Variants in COL6A3 observed in about 807,000 individuals in gnomAD.
COL6A3 encodes collagen alpha-3(VI) chain.
A neutral mutation model predicts 274.1 loss-of-function variants in COL6A3; 137 were observed. The observed-to-expected ratio is 0.50, with a 90% confidence interval of 0.44 to 0.58. The LOEUF is 0.58. COL6A3 is among the 20% of genes least tolerant of loss of function. The pLI is 0.00. For synonymous variants in COL6A3, 1,650 were observed against 1,650.6 expected (o/e 1.00, Z 0.01); for missense variants, 3,950 against 4,124.9 (o/e 0.96, Z 1.16).
chr2:237,337,970 T>C (rs1382261908), intron 39 of COL6A3, among the ~76,000 whole-genome samples: 1 of 152,110 alleles, frequency 6.6e-6, no homozygotes, highest in Non-Finnish European at 1.5e-5. Flanking sequence ...TAAGAAGACA[T>C]GGAGTCTATT....
chr2:237,372,517 G>A (rs1009221817), intron 8 of COL6A3, among the ~76,000 whole-genome samples, 180 bp from the exon 9 acceptor site: 1 of 152,170 alleles, frequency 6.6e-6, no homozygotes, highest in African/African-American at 2.4e-5. Flanking sequence ...AAAGAGAAGG[G>A]GAGCAAAGGA....
At position 237,361,588 on chromosome 2, in the gene COL6A3, G is replaced by T; in HGVS notation, c.6156+151C>A. 1.3e-6 allele frequency: 1 copy of T among 798,298 alleles called. No homozygotes were observed. The highest frequency in any genetic ancestry group is 2.2e-6 in the Non-Finnish European group (1 of 459,422). The allele number at this position is 798,298 out of a possible 1,614,324, so 49.5% of individuals were successfully genotyped here. A position where few individuals can be genotyped will look rare whatever the true frequency, so the allele number is the denominator to read the frequency against. On this transcript the variant is annotated intron_variant, in intron 15 of 43. Transcript: ENST00000295550. The surrounding 1 kb of genome is among the most constrained non-coding windows in gnomAD (Gnocchi z 5.1). ...CCCCAGCAGAACAGCACGCAGGTCTGCCCCTCAGAGCTCCTCCTTCTAACA... is the reference window on the plus strand; with the variant it reads ...CCCCAGCAGAACAGCACGCAGGTCTTCCCCTCAGAGCTCCTCCTTCTAACA...
In COL6A3 at chr2:237,379,046, T is replaced by G. The variant is rs367690192; in HGVS notation, c.2087A>C (p.Tyr696Ser). 1 of 1,614,110 alleles carries G rather than the reference T, an allele frequency of 6.2e-7. No homozygotes were observed. Among genetic ancestry groups the G allele is most frequent in the Non-Finnish European group, 8.5e-7 (1 of 1,180,050 alleles). ...ACCAAGGATATCTGACTTGGTCTGG[T>G]ATGTGTTTAAAGAGAACTCCGTTAC... ...TPVTEFSLNT[Y>S]QTKSDILGHL... is the part of the protein sequence containing the mutation. Residue 696 changes from tyrosine (Y) to serine (S), a missense_variant, in exon 6 of 44, where the codon TAC becomes TCC. Physicochemically the swap from Tyr to Ser is moderately radical, Grantham distance 144. Around this residue, in one of 5 missense-constraint regions of COL6A3, gnomAD observed 1,934 missense variants for 1,984.3 expected, o/e 0.97. Transcript: ENST00000295550.
In COL6A3 at chr2:237,371,725, A is replaced by G. The variant is rs781660921; in HGVS notation, c.4285+7T>C. ...TCCAAGGAGAACCTCCGACGCCCCC[A>G]TCTCACCTGGAGGTGGATAGCGAGT... is the stretch of plus-strand genomic sequence containing the variant. On this transcript the variant is annotated splice_region_variant and intron_variant, in intron 9 of 43. Coordinates refer to ENST00000295550, the MANE Select transcript of COL6A3 (RefSeq NM_004369.4). This position sits in a 1 kb window ranked among gnomAD's most constrained non-coding sequence, Gnocchi z 4.3. 7 of 1,584,242 alleles carry G rather than the reference A, an allele frequency of 4.4e-6. No homozygotes were observed. Among genetic ancestry groups the G allele is most frequent in the Non-Finnish European group, 5.2e-6 (6 of 1,162,344 alleles).
In COL6A3 at chr2:237,374,287, T is replaced by C. The variant is rs1160045473; in HGVS notation, c.3679+125A>G. 112 of 1,415,626 alleles carry C rather than the reference T, an allele frequency of 7.9e-5. 1 individual carries two copies. In the South Asian group the frequency reaches 1.0e-3, roughly 13 times the overall value. The allele number at this position is 1,415,626 out of a possible 1,614,324, so 87.7% of individuals were successfully genotyped here. ...GGGCATGTGGGTTCCTAAATTTTCCTGTAATTTTAGTTTTCACTTCACATG... is the reference window on the plus strand; with the variant it reads ...GGGCATGTGGGTTCCTAAATTTTCCCGTAATTTTAGTTTTCACTTCACATG... On this transcript the variant is annotated intron_variant, in intron 8 of 43. Coordinates refer to ENST00000295550, the MANE Select transcript of COL6A3 (RefSeq NM_004369.4). This position sits in a 1 kb window ranked among gnomAD's most constrained non-coding sequence, Gnocchi z 4.8.
At position 237,345,047 on chromosome 2, in the gene COL6A3, C is replaced by T. The variant is rs540897134; in HGVS notation, c.7162+11G>A. The stretch of plus-strand genomic sequence containing the variant: ...TATGCATTGTGAGACAACAGAAAAT[C>T]ATGTACTTACGGCATTTATCTTTGA... On this transcript the variant is annotated intron_variant, in intron 34 of 43. Coordinates refer to ENST00000295550, the MANE Select transcript of COL6A3 (RefSeq NM_004369.4). 5.1e-5 allele frequency: 82 copies of T among 1,614,148 alleles called. No individual in the cohort carries two copies. The South Asian group carries it at 8.3e-4, about 16-fold the overall frequency.
rs778474394 is a variant in COL6A3 at position 237,344,650 on chromosome 2, C to T, written c.7368G>A (p.Thr2456=). 2.6e-5 allele frequency: 42 copies of T among 1,613,718 alleles called. No homozygotes were observed. Among genetic ancestry groups the T allele is most frequent in the African/African-American group, 5.3e-5 (4 of 74,912 alleles). The change falls in exon 36 of 44, where the codon ACG becomes ACA. Residue 2456 remains threonine, a synonymous_variant. Transcript: ENST00000295550. The surrounding 1 kb of genome is among the most constrained non-coding windows in gnomAD (Gnocchi z 4.8). ...AVVTYNNEVT[T]EIRFADSKRK... is the part of the protein sequence containing the mutation. Reference sequence around the variant, plus strand: ...TCTTGGAGTCAGCAAACCGGATCTCCGTGGTCACCTCGTTGTTGTAGGTGA... The same window carrying T: ...TCTTGGAGTCAGCAAACCGGATCTCTGTGGTCACCTCGTTGTTGTAGGTGA...
intron 3 of COL6A3, among the ~76,000 whole-genome samples, chr2:237,389,098 G>A (rs2078225316): frequency 1.3e-5 from 2 of 152,072 alleles, no homozygotes; most frequent in Admixed American, 1.3e-4. Context: ...ATTAGCCTGG[G>A]GTTATACAAA....
intron 38 of COL6A3, among the ~76,000 whole-genome samples, chr2:237,339,420 A>T (rs2076937488): frequency 6.6e-6 from 1 of 152,238 alleles, no homozygotes; most frequent in Non-Finnish European, 1.5e-5. Flanking sequence ...TGGAGAGTTC[A>T]ACAAGTTCTA....
At chr2:237,397,445 AAGAG>A (rs1219955028) in intron 1 of COL6A3, among the ~76,000 whole-genome samples, 1 of 141,872 alleles carries the variant, frequency 7.0e-6, no homozygotes, top group Admixed American at 6.9e-5. Context: ...GAAAGAAAGA[AAGAG>A]AGAAAGAAAG....
chr2:237,361,924 G>T lies in COL6A3; in HGVS notation c.6064-93C>A. On this transcript the variant is annotated intron_variant, in intron 14 of 43. Coordinates refer to ENST00000295550, the MANE Select transcript of COL6A3 (RefSeq NM_004369.4). This position sits in a 1 kb window ranked among gnomAD's most constrained non-coding sequence, Gnocchi z 5.1. ...CTTTAAGGGTCAAAATCGGATGTGT[G>T]GGGGTTTCACGGTGTGAGATGAAGT... The T allele has an allele frequency of 8.9e-7, 1 of 1,119,692 alleles. No homozygotes were observed. Among genetic ancestry groups the T allele is most frequent in the Non-Finnish European group, 1.4e-6 (1 of 735,980 alleles). 69.4% of individuals were successfully genotyped at this position (1,119,692 alleles called of 1,614,324 possible).
intron 3 of COL6A3, among the ~76,000 whole-genome samples, chr2:237,391,375 G>C (rs1171357492): frequency 6.6e-5 from 10 of 152,194 alleles, no homozygotes; most frequent in Non-Finnish European, 1.5e-5. Flanking sequence ...GTTTCATTTA[G>C]CATTCACTAT....
At chr2:237,410,551 C>A (rs2078833219) in intron 1 of COL6A3, among the ~76,000 whole-genome samples, 1 of 152,130 alleles carries the variant, frequency 6.6e-6, no homozygotes, top group Non-Finnish European at 1.5e-5. Flanking sequence ...GCGATCCGCC[C>A]ACCTCAGCCT....
In COL6A3 at chr2:237,324,884, C is replaced by G. The variant is rs1362232239; in HGVS notation, c.9494-70G>C. 7.8e-6 allele frequency: 12 copies of G among 1,530,338 alleles called. No homozygotes were observed. In the South Asian group the frequency reaches 1.3e-4, roughly 17 times the overall value. The allele number at this position is 1,530,338 out of a possible 1,614,324, so 94.8% of individuals were successfully genotyped here. On this transcript the variant is annotated intron_variant, in intron 43 of 43. Coordinates refer to ENST00000295550, the MANE Select transcript of COL6A3 (RefSeq NM_004369.4). ...AGAGAAGAGAGGAAAAGCCACATTA[C>G]TGACCCAAAAGGGCACTGTCATTAT...
At position 237,340,582 on chromosome 2, in the gene COL6A3, C is replaced by T. The variant is rs1259771523; in HGVS notation, c.8334G>A (p.Val2778=). The T allele has an allele frequency of 3.1e-6, 5 of 1,614,216 alleles. No homozygotes were observed. Among genetic ancestry groups the T allele is most frequent in the East Asian group, 4.5e-5 (2 of 44,880 alleles). ...FFVVLGIGRK[V]NIKEVYTFAS... is the part of the protein sequence containing the mutation. ...CGAAGGTGTATACCTCCTTGATGTT[C>T]ACCTTCCTGCCAATGCCCAGGACCA... Residue 2778 remains valine (V), a synonymous_variant, in exon 38 of 44, where the codon GTG becomes GTA. Transcript: ENST00000295550.
chr2:237,345,010 C>T lies in COL6A3; in HGVS notation c.7162+48G>A, dbSNP rs112563876. On this transcript the variant is annotated intron_variant, in intron 34 of 43. Transcript: ENST00000295550. ...AGACTACTCTACCATGTGAGAATTT[C>T]GAATGTAAAAATATGCATTGTGAGA... is the stretch of plus-strand genomic sequence containing the variant. The T allele has an allele frequency of 5.9e-4, 956 of 1,614,006 alleles. 1 individual carries two copies. The African/African-American group carries it at 0.01, about 17-fold the overall frequency.
chr2:237,340,932 C>T lies in COL6A3; in HGVS notation c.7984G>A (p.Ala2662Thr), dbSNP rs749100905. 34 of 1,613,212 alleles carry T rather than the reference C, an allele frequency of 2.1e-5. No homozygotes were observed. Among genetic ancestry groups the T allele is most frequent in the Admixed American group, 1.7e-4 (10 of 59,998 alleles). The change falls in exon 38 of 44, where the codon GCC becomes ACC. Residue 2662 changes from alanine to threonine, a missense_variant. Physicochemically the swap from Ala to Thr is moderately conservative, Grantham distance 58. Coordinates refer to ENST00000295550, the MANE Select transcript of COL6A3 (RefSeq NM_004369.4). ...SPDPKASQHF[A>T]RVAVVQHAPS... ...GCGTGCTGCACAACTGCCACTCTGG[C>T]GAAGTGCTGGGAGGCCTTGGGATCT...
intron 17 of COL6A3, among the ~76,000 whole-genome samples, 165 bp from the exon 18 acceptor site, chr2:237,359,553 C>T (rs539666648): frequency 6.6e-6 from 1 of 152,366 alleles, no homozygotes; most frequent in African/African-American, 2.4e-5. Context: ...CTCACCACCA[C>T]GTGCGATGTT....
Position 237,344,818 on chromosome 2 carries a change from T to G in COL6A3, c.7200A>C (p.Pro2400=). The G allele has an allele frequency of 6.2e-7, 1 of 1,612,540 alleles. No individual in the cohort carries two copies. Among genetic ancestry groups the G allele is most frequent in the Non-Finnish European group, 8.5e-7 (1 of 1,179,852 alleles). The change falls in exon 36 of 44, where the codon CCA becomes CCC. Residue 2400 remains proline, a synonymous_variant. Coordinates refer to ENST00000295550, the MANE Select transcript of COL6A3 (RefSeq NM_004369.4). The surrounding 1 kb of genome is among the most constrained non-coding windows in gnomAD (Gnocchi z 4.8). ...CYGPLECPVF[P]TELAFALDTS... ...TGTCTAAAGCAAAGGCTAGTTCTGT[T>G]GGGAAGACGGGGCACTCCAGGGGCC...
Sources: allele counts gnomAD v4.1 joint callset (sites outside exome capture counted in the v4.1 genomes callset), GRCh38; gene constraint gnomAD v4.1.1; regional missense constraint gnomAD v4.1.1; non-coding constraint Gnocchi (gnomAD v3.1); transcripts MANE v1.5; gene names NCBI Gene and HGNC (gene_info 2026-07-23, HGNC 2026-07-21).